The following VWF variants were observed in gnomAD, a reference collection of about 807,000 sequenced individuals.
The protein encoded by VWF is von Willebrand factor.
A neutral mutation model predicts 308.6 loss-of-function variants in VWF; 176 were observed. That is an observed-to-expected ratio of 0.57 (90% CI 0.50 to 0.65). VWF has a LOEUF of 0.65. Ranked by LOEUF, VWF falls within the 30% of genes least tolerant of loss-of-function variation. The pLI, the probability that VWF is intolerant of heterozygous loss-of-function variation, is 0.00. For synonymous variants in VWF, 1,385 were observed against 1,443.4 expected, an observed-to-expected ratio of 0.96 and a Z score of 0.92; for missense variants, 3,146 against 3,648.2, an observed-to-expected ratio of 0.86 and a Z score of 3.55.
At chr12:6,000,310 A>C (rs927551715) in intron 34 of VWF, among the ~76,000 whole-genome samples, 2 of 152,216 alleles carry the variant, frequency 1.3e-5, no homozygotes, top group African/African-American at 4.8e-5. Flanking sequence ...GGACAAAAGA[A>C]TTATATTGGT....
At chr12:6,056,517 C>T (rs1049923081) in intron 15 of VWF, among the ~76,000 whole-genome samples, 1 of 152,138 alleles carries the variant, frequency 6.6e-6, no homozygotes, top group Non-Finnish European at 1.5e-5. Flanking sequence ...GGGACCCATT[C>T]GCTCCACAGC....
Position 6,121,211 on chromosome 12 carries a change from C to T in VWF, c.183G>A (p.Leu61=). ...YSFAGYCSYL[L]AGGCQKRSFS... ...AGGAGCGTTTCTGGCAGCCCCCTGC[C>T]AGGAGGTAACTGCAGTATCCCGCAA... The change falls in exon 3 of 52, where the codon CTG becomes CTA. Residue 61 remains leucine, a synonymous_variant. Transcript: ENST00000261405. 6.2e-7 allele frequency: 1 copy of T among 1,614,164 alleles called. No homozygotes were observed. The highest frequency in any genetic ancestry group is 8.5e-7 in the Non-Finnish European group (1 of 1,180,028).
At position 6,046,440 on chromosome 12, in the gene VWF, G is replaced by A. The variant is rs928474545; in HGVS notation, c.2281+283C>T. On this transcript the variant is annotated intron_variant, in intron 17 of 51. Transcript: ENST00000261405. The surrounding 1 kb of genome is among the most constrained non-coding windows in gnomAD (Gnocchi z 5.0). ...CTATCCACTGGGTTAAGGTCTCCACGGGCAAAATAGGGGTCTCATAGAATT... is the reference window on the plus strand; with the variant it reads ...CTATCCACTGGGTTAAGGTCTCCACAGGCAAAATAGGGGTCTCATAGAATT... Among the ~76,000 whole-genome samples, 8 of 152,312 alleles carry A rather than the reference G, an allele frequency of 5.3e-5. No individual in the cohort carries two copies. The highest frequency in any genetic ancestry group is 2.6e-4 in the Admixed American group (4 of 15,308).
At chr12:6,071,381 G>C in intron 9 of VWF, 38 bp from the exon 10 acceptor site, 10 of 1,611,868 alleles carry the variant, frequency 6.2e-6, no homozygotes, top group Non-Finnish European at 8.5e-6. Context: ...TGGTGGTTCT[G>C]CAAACACAAG....
rs369933210 is a variant in VWF at position 6,063,026 on chromosome 12, C to T, written c.1461G>A (p.Thr487=). Residue 487 remains threonine, a synonymous_variant, in exon 13 of 52, where the codon ACG becomes ACA. Coordinates refer to ENST00000261405, the MANE Select transcript of VWF (RefSeq NM_000552.5). The surrounding 1 kb of genome is among the most constrained non-coding windows in gnomAD (Gnocchi z 4.9). ...CCCCGTAGCTGAGGCGCACGGAGGC[C>T]GTCACTGTATGCTGGATGCGGAGGT... ...KGDLRIQHTV[T]ASVRLSYGED... is the part of the protein sequence containing the mutation. The T allele has an allele frequency of 4.2e-5, 68 of 1,613,586 alleles. No individual in the cohort carries two copies. Among genetic ancestry groups the T allele is most frequent in the African/African-American group, 9.3e-5 (7 of 74,914 alleles).
intron 22 of VWF, among the ~76,000 whole-genome samples, chr12:6,026,445 G>A (rs894754934): frequency 6.6e-6 from 1 of 152,174 alleles, no homozygotes; most frequent in Non-Finnish European, 1.5e-5. Flanking sequence ...AGGGGTCCAA[G>A]GAGGGAAAGT....
chr12:6,098,328 T>C lies in VWF; in HGVS notation c.533-2744A>G, dbSNP rs904731242. Among the ~76,000 whole-genome samples the C allele has an allele frequency of 2.0e-5, 3 of 152,296 alleles. No individual in the cohort carries two copies. In the East Asian group the frequency reaches 5.8e-4, roughly 29 times the overall value. On this transcript the variant is annotated intron_variant, in intron 5 of 51. Coordinates refer to ENST00000261405, the MANE Select transcript of VWF (RefSeq NM_000552.5). ...ACACAGTATAGACTTCATTTTCAGT[T>C]TTTAAACCTTAAAGCCTGGGAATAT...
At chr12:6,068,775 T>A (rs960868246) in intron 10 of VWF, among the ~76,000 whole-genome samples, 1 of 150,422 alleles carries the variant, frequency 6.6e-6, no homozygotes, top group Non-Finnish European at 1.5e-5. Flanking sequence ...AGGCATGAGC[T>A]GCCGCGCCTG....
intron 3 of VWF, among the ~76,000 whole-genome samples, chr12:6,120,407 A>G (rs1366966843): frequency 6.6e-6 from 1 of 151,454 alleles, no homozygotes; most frequent in East Asian, 1.9e-4. Context: ...GGTTCAAGCG[A>G]TTCTCCTGCC....
intron 6 of VWF, among the ~76,000 whole-genome samples, chr12:6,089,258 G>A (rs1184270500): frequency 2.0e-5 from 3 of 152,180 alleles, no homozygotes; most frequent in Non-Finnish European, 4.4e-5. Context: ...AAAAAACCTC[G>A]GTTGTGGGCA....
intron 6 of VWF, among the ~76,000 whole-genome samples, chr12:6,083,266 G>A (rs982355785): frequency 3.9e-5 from 6 of 152,028 alleles, no homozygotes; most frequent in African/African-American, 1.2e-4. Flanking sequence ...CACCCACCTC[G>A]GCCTCCCAAA....
intron 20 of VWF, among the ~76,000 whole-genome samples, chr12:6,034,064 G>A (rs1250596672): frequency 6.6e-6 from 1 of 152,228 alleles, no homozygotes; most frequent in African/African-American, 2.4e-5. Flanking sequence ...CACTCACCGT[G>A]AGGATTCCTG....
chr12:5,954,851 G>C (rs1943229729), intron 47 of VWF, among the ~76,000 whole-genome samples: 2 of 152,098 alleles, frequency 1.3e-5, no homozygotes, highest in Admixed American at 1.3e-4. Flanking sequence ...AAACACCTGG[G>C]TTTCTACTGG....
chr12:6,012,858 C>T (rs1166016739), intron 32 of VWF, among the ~76,000 whole-genome samples: 9 of 151,940 alleles, frequency 5.9e-5, no homozygotes, highest in African/African-American at 1.9e-4. Context: ...CCCGCCACCA[C>T]GCCCGGCTAA....
At chr12:6,089,600 C>G (rs914296210) in intron 6 of VWF, among the ~76,000 whole-genome samples, 1 of 152,112 alleles carries the variant, frequency 6.6e-6, no homozygotes, top group African/African-American at 2.4e-5. Context: ...CTCCTCAACC[C>G]GACCTCAGGA....
chr12:6,031,844 A>C, intron 20 of VWF, among the ~76,000 whole-genome samples: 1 of 151,422 alleles, frequency 6.6e-6, no homozygotes, highest in East Asian at 2.0e-4. Flanking sequence ...GGGGGAGGGA[A>C]GGAAGGTGAC....
intron 16 of VWF, 141 bp downstream of exon 16, chr12:6,052,402 G>A (rs1307388971): frequency 7.6e-7 from 1 of 1,310,104 alleles, no homozygotes; most frequent in Non-Finnish European, 1.1e-6. Flanking sequence ...CTCCGCTTCT[G>A]ACTTGCTGTA....
At chr12:6,011,845 A>C in intron 33 of VWF, 51 bp from the exon 34 acceptor site, 1 of 1,480,442 alleles carries the variant, frequency 6.8e-7, no homozygotes, top group Non-Finnish European at 9.4e-7. Context: ...AGGTACTCCA[A>C]CTCTAAGCCC....
chr12:6,018,344 G>A, intron 28 of VWF, 21 bp downstream of exon 28: 6 of 1,603,980 alleles, frequency 3.7e-6, no homozygotes, highest in East Asian at 2.2e-5. Flanking sequence ...CCTCCCACCT[G>A]CACACAAGGT....
Sources: gnomAD v4.1 joint callset for allele counts (sites outside exome capture counted in the v4.1 genomes callset) on GRCh38, gnomAD v4.1.1 for gene constraint, Gnocchi (gnomAD v3.1) non-coding constraint, MANE v1.5 for transcripts, NCBI Gene and HGNC (gene_info 2026-07-23, HGNC 2026-07-21) for gene names.